TMED6: variants seen among roughly 807,000 people sequenced by gnomAD.
The protein encoded by TMED6 is transmembrane emp24 domain-containing protein 6.
Under a neutral mutation model 26.5 loss-of-function variants are expected in TMED6, and 17 were observed. That is an observed-to-expected ratio of 0.64 (90% CI 0.44 to 0.96). The LOEUF is 0.96. TMED6 is among the 40% of genes least tolerant of loss of function. The pLI is 0.00. For synonymous variants in TMED6, 107 were observed against 106.2 expected (o/e 1.01, Z -0.04); for missense variants, 309 against 296.5 (o/e 1.04, Z -0.31).
In TMED6 at chr16:69,351,680, T is replaced by C; in HGVS notation, c.74A>G (p.Glu25Gly). ...LVTSARSQKT[E>G]PLSGSGDQPL... The stretch of plus-strand genomic sequence containing the variant: ...CTGGTCCCCAGAGCCACTTAGAGGT[T>C]CTGTCTTCTGGCTCCTGGCAGACGT... The change falls in exon 1 of 4, where the codon GAA (glutamate) becomes GGA (glycine). Residue 25 changes from glutamate (E) to glycine (G), a missense_variant. Physicochemically the swap from Glu to Gly is moderately conservative, Grantham distance 98 (BLOSUM62 -2). Transcript: ENST00000288025. 6.2e-7 allele frequency: 1 copy of C among 1,613,848 alleles called. No homozygotes were observed.
At chr16:69,347,155 G>A (rs2012699213) in intron 3 of TMED6, among the ~76,000 whole-genome samples, 2 of 152,164 alleles carry the variant, frequency 1.3e-5, no homozygotes, top group Admixed American at 1.3e-4. Context: ...TGGGGTGGGT[G>A]ATAAACTTCC....
intron 3 of TMED6, among the ~76,000 whole-genome samples, chr16:69,345,881 C>T (rs941437962): frequency 6.6e-6 from 1 of 151,950 alleles, no homozygotes; most frequent in South Asian, 2.1e-4. Flanking sequence ...AGGGTCTTAC[C>T]ATGTTTCCCA....
Position 69,349,538 on chromosome 16 carries a change from A to G in TMED6, c.327T>C (p.Ser109=), listed in dbSNP as rs1195839886. 2 of 1,613,264 alleles carry G rather than the reference A, an allele frequency of 1.2e-6. No homozygotes were observed. Among genetic ancestry groups the G allele is most frequent in the African/African-American group, 2.7e-5 (2 of 74,902 alleles). ...SQGVRGQINF[S]TQETGFYQLC... The stretch of plus-strand genomic sequence containing the variant: ...ATGAAAACAGACCTGTCTCTTGGGT[A>G]GAGAAGTTAATCTGGCCCCGAACAC... The change falls in exon 2 of 4, where the codon TCT becomes TCC. Residue 109 remains serine, a synonymous_variant. Transcript: ENST00000288025.
intron 3 of TMED6, among the ~76,000 whole-genome samples, 158 bp downstream of exon 3, chr16:69,347,630 G>A (rs2012706284): frequency 6.6e-6 from 1 of 152,166 alleles, no homozygotes. Context: ...AAAGTGCTGG[G>A]ATTACAGGCG....
chr16:69,349,800 T>C, intron 1 of TMED6, 149 bp from the exon 2 acceptor site: 2 of 933,450 alleles, frequency 2.1e-6, no homozygotes, highest in Non-Finnish European at 3.2e-6. Flanking sequence ...TTGGAGTTGA[T>C]TGGAGGATTC....
At chr16:69,348,183 T>C (rs996265471) in intron 2 of TMED6, 2 of 353,434 alleles carry the variant, frequency 5.7e-6, no homozygotes, top group African/African-American at 2.0e-5. Flanking sequence ...TGGCAAACAA[T>C]GTTTTCTCTT....
chr16:69,350,144 C>T (rs1450277894), intron 1 of TMED6, among the ~76,000 whole-genome samples: 12 of 151,482 alleles, frequency 7.9e-5, no homozygotes, highest in South Asian at 2.1e-4. Flanking sequence ...TGGTGGCGTG[C>T]GCCTATAATC....
chr16:69,346,458 T>C (rs990594456), intron 3 of TMED6, among the ~76,000 whole-genome samples: 2 of 152,112 alleles, frequency 1.3e-5, no homozygotes, highest in African/African-American at 2.4e-5. Flanking sequence ...GTTGAGAACA[T>C]GCTAAATTAA....
chr16:69,343,366 G>A lies in TMED6; in HGVS notation c.*41C>T, dbSNP rs775775557. The stretch of plus-strand genomic sequence containing the variant: ...AACATTACAAAGCTGATTCGACTAA[G>A]CCCCAGAAGAAAACAGCCAGGGTGC... On this transcript the variant is annotated 3_prime_UTR_variant, in exon 4 of 4. Coordinates refer to ENST00000288025, the MANE Select transcript of TMED6 (RefSeq NM_144676.4). 4.6e-5 allele frequency: 70 copies of A among 1,536,516 alleles called. No individual in the cohort carries two copies. Among genetic ancestry groups the A allele is most frequent in the Non-Finnish European group, 5.8e-5 (65 of 1,121,082 alleles).
chr16:69,351,745 AG>A lies in TMED6; in HGVS notation c.8del (p.Pro3LeufsTer11). MSPLLFGAGLVVL... is the reference protein window; with the variant it reads MSXLLFGAGLVVL... The stretch of plus-strand genomic sequence containing the variant: ...CGACCAGCCCAGCCCCAAAGAGCAA[AG>A]GGGACATGCCGCTTTCTGGAGCCTC... On this transcript the variant is annotated frameshift_variant, in exon 1 of 4. Transcript: ENST00000288025. LOFTEE classifies it high-confidence loss of function. 1 of 1,612,726 alleles carries A rather than the reference AG, an allele frequency of 6.2e-7. No individual in the cohort carries two copies. The highest frequency in any genetic ancestry group is 8.5e-7 in the Non-Finnish European group (1 of 1,179,884).
In TMED6 at chr16:69,347,189, C is replaced by A. The variant is rs928953337; in HGVS notation, c.489+599G>T. ...CCAGAATTAGATGCTGATAGTTGCA[C>A]AGCCTTGTGAATATACTAAAAAACC... On this transcript the variant is annotated intron_variant, in intron 3 of 3. Coordinates refer to ENST00000288025, the MANE Select transcript of TMED6 (RefSeq NM_144676.4). Among the ~76,000 whole-genome samples, 12 of 152,234 alleles carry A rather than the reference C, an allele frequency of 7.9e-5. No homozygotes were observed. In the Middle Eastern group the frequency reaches 0.01, roughly 129 times the overall value.
Position 69,343,304 on chromosome 16 carries a change from A to G in TMED6, c.*103T>C. On this transcript the variant is annotated 3_prime_UTR_variant, in exon 4 of 4. Coordinates refer to ENST00000288025, the MANE Select transcript of TMED6 (RefSeq NM_144676.4). ...TTGCTTTTTTAGATGTGTGCAGCAG[A>G]CTAAAACATTAATGAGATAATTGAT... The G allele has an allele frequency of 1.9e-6, 2 of 1,063,044 alleles. No individual in the cohort carries two copies. Among genetic ancestry groups the G allele is most frequent in the Non-Finnish European group, 2.7e-6 (2 of 741,182 alleles). 65.9% of individuals were successfully genotyped at this position (1,063,044 alleles called of 1,614,324 possible).
Position 69,343,421 on chromosome 16 carries a change from T to G in TMED6, c.709A>C (p.Lys237Gln). 1.2e-6 allele frequency: 2 copies of G among 1,614,078 alleles called. No homozygotes were observed. Among genetic ancestry groups the G allele is most frequent in the East Asian group, 2.2e-5 (1 of 44,878 alleles). The change falls in exon 4 of 4, where the codon AAG becomes CAG. Residue 237 changes from lysine to glutamine, a missense_variant. Lys to Gln is a moderately conservative substitution (Grantham distance 53, BLOSUM62 1). Coordinates refer to ENST00000288025, the MANE Select transcript of TMED6 (RefSeq NM_144676.4). ...FNVPTTTDTK[K>Q]PRC ...GTCACCTTAGCTTAGCATCTTGGCT[T>G]CTTTGTATCTGTAGTTGTTGGAACA...
At chr16:69,349,343 A>T (rs1454963851) in intron 2 of TMED6, among the ~76,000 whole-genome samples, 182 bp downstream of exon 2, 1 of 152,182 alleles carries the variant, frequency 6.6e-6, no homozygotes, top group East Asian at 1.9e-4. Context: ...GTTGCCCCCA[A>T]ATCGTCAGTA....
At chr16:69,349,402 T>G in intron 2 of TMED6, 123 bp downstream of exon 2, 1 of 1,202,208 alleles carries the variant, frequency 8.3e-7, no homozygotes, top group Non-Finnish European at 1.1e-6. Context: ...GGAACACTGG[T>G]TTTTGGTGTT....
chr16:69,349,815 G>A (rs780035276), intron 1 of TMED6, among the ~76,000 whole-genome samples, 164 bp from the exon 2 acceptor site: 30 of 152,152 alleles, frequency 2.0e-4, no homozygotes, highest in Non-Finnish European at 3.8e-4. Context: ...GGATTCTGAG[G>A]TATCACAGTG....
chr16:69,351,026 C>A (rs1183095773), intron 1 of TMED6, among the ~76,000 whole-genome samples: 2 of 151,418 alleles, frequency 1.3e-5, no homozygotes, highest in Non-Finnish European at 2.9e-5. Flanking sequence ...AACTTGAAAA[C>A]ACTTACCGTC....
chr16:69,345,386 A>G (rs2012667379), intron 3 of TMED6, among the ~76,000 whole-genome samples: 2 of 151,854 alleles, frequency 1.3e-5, no homozygotes, highest in Non-Finnish European at 2.9e-5. Flanking sequence ...AAATTCAACA[A>G]TAAAAAGACA....
chr16:69,349,389 C>T, intron 2 of TMED6, 136 bp downstream of exon 2: 3 of 1,113,300 alleles, frequency 2.7e-6, no homozygotes, highest in Non-Finnish European at 3.8e-6. Context: ...TCAGCAGCCT[C>T]CAGGAACACT....
Sources: gnomAD v4.1 joint callset for allele counts (sites outside exome capture counted in the v4.1 genomes callset) on GRCh38, gnomAD v4.1.1 for gene constraint, MANE v1.5 for transcripts, NCBI Gene and HGNC (gene_info 2026-07-23, HGNC 2026-07-21) for gene names.